The following BIRC6 variants were observed in gnomAD, a reference collection of about 807,000 sequenced individuals.
BIRC6 encodes the protein baculoviral IAP repeat containing 6, also known as dual E2 ubiquitin-conjugating enzyme/E3 ubiquitin-protein ligase BIRC6.
BIRC6 carries 98 observed loss-of-function variants against 503.3 expected under a neutral mutation model. The observed-to-expected ratio is 0.19, with a 90% confidence interval of 0.17 to 0.23. The LOEUF (loss-of-function observed/expected upper bound fraction) is 0.23, where lower values mean the gene tolerates loss of function less well. Among genes scored for constraint, BIRC6 ranks in the 10% least tolerant of loss-of-function variants. The pLI is 1.00. For missense variants in BIRC6, 5,360 were observed against 5,806.0 expected (o/e 0.92, Z 2.50); for synonymous variants, 2,240 against 2,078.7 (o/e 1.08, Z -2.11).
At chr2:32,389,733 G>C (rs1419822418) in intron 4 of BIRC6, among the ~76,000 whole-genome samples, 1 of 152,146 alleles carries the variant, frequency 6.6e-6, no homozygotes, top group Non-Finnish European at 1.5e-5. Flanking sequence ...TTTCACTCTT[G>C]TCGCCTAGGC....
chr2:32,381,333 G>A (rs2037613363), intron 3 of BIRC6, among the ~76,000 whole-genome samples: 1 of 152,048 alleles, frequency 6.6e-6, no homozygotes, highest in African/African-American at 2.4e-5. Context: ...TCTGCCTCCC[G>A]GGTTCAAGTG....
At chr2:32,471,655 A>G (rs1318834051) in intron 32 of BIRC6, among the ~76,000 whole-genome samples, 2 of 152,144 alleles carry the variant, frequency 1.3e-5, no homozygotes, top group Non-Finnish European at 2.9e-5. Context: ...CCCTCTTCCC[A>G]GTTAACAAGG....
chr2:32,382,149 G>A (rs1261237755), intron 3 of BIRC6, among the ~76,000 whole-genome samples: 4 of 152,320 alleles, frequency 2.6e-5, no homozygotes, highest in African/African-American at 9.6e-5. Context: ...GGAACAAAGA[G>A]TAGAGATTAG....
chr2:32,511,363 G>A lies in BIRC6; in HGVS notation c.10346+729G>A, dbSNP rs368616056. On this transcript the variant is annotated intron_variant, in intron 53 of 73. Coordinates refer to ENST00000421745, the MANE Select transcript of BIRC6 (RefSeq NM_016252.4). Reference sequence around the variant, plus strand: ...CTTGCTCTGTTGCCCAGGCTGGAGCGCAGTGGTGCAATCTTGGCTCACTGC... The same window carrying A: ...CTTGCTCTGTTGCCCAGGCTGGAGCACAGTGGTGCAATCTTGGCTCACTGC... Among the ~76,000 whole-genome samples, 13 of 151,128 alleles carry A rather than the reference G, an allele frequency of 8.6e-5. No homozygotes were observed. The East Asian group carries it at 1.4e-3, about 16-fold the overall frequency.
intron 3 of BIRC6, 74 bp downstream of exon 3, chr2:32,380,364 C>T (rs2037444525): frequency 1.4e-6 from 2 of 1,445,028 alleles, no homozygotes; most frequent in South Asian, 1.6e-5. Flanking sequence ...ACTTTCCTTT[C>T]CTCTCCTTTT....
Position 32,442,046 on chromosome 2 carries a change from A to C in BIRC6, c.3945-19A>C. On this transcript the variant is annotated intron_variant, in intron 17 of 73. Transcript: ENST00000421745. ...TTCTGTTTTGTTTGGTAATGTGTTT[A>C]TATTTTCTTTTTTTGTAGAGTGCAA... The C allele has an allele frequency of 1.3e-6, 2 of 1,504,302 alleles. No homozygotes were observed. The highest frequency in any genetic ancestry group is 1.8e-6 in the Non-Finnish European group (2 of 1,127,888). The allele number at this position is 1,504,302 out of a possible 1,614,324, so 93.2% of individuals were successfully genotyped here.
intron 2 of BIRC6, chr2:32,379,388 A>T (rs974057975): frequency 5.3e-5 from 8 of 152,252 alleles, no homozygotes; most frequent in African/African-American, 1.9e-4. Context: ...ACAAACAATT[A>T]AAGAATTACA....
chr2:32,453,399 A>G lies in BIRC6; in HGVS notation c.4619-409A>G, dbSNP rs1574319648. Reference sequence around the variant, plus strand: ...TATATTTATGCAGTTGACATCTTAGAATGTATTCTGATTTTACATATAGCC... The same window carrying G: ...TATATTTATGCAGTTGACATCTTAGGATGTATTCTGATTTTACATATAGCC... On this transcript the variant is annotated intron_variant, in intron 22 of 73. Coordinates refer to ENST00000421745, the MANE Select transcript of BIRC6 (RefSeq NM_016252.4). Among the ~76,000 whole-genome samples, 2 of 152,290 alleles carry G rather than the reference A, an allele frequency of 1.3e-5. 1 individual carries two copies. The highest frequency in any genetic ancestry group is 4.1e-4 in the South Asian group (2 of 4,826).
chr2:32,598,687 A>C (rs2061836882), intron 69 of BIRC6, among the ~76,000 whole-genome samples: 1 of 152,176 alleles, frequency 6.6e-6, no homozygotes. Flanking sequence ...TACGCAGCTA[A>C]AACTATTGGC....
rs2061781197 is a variant in BIRC6 at position 32,597,971 on chromosome 2, A to G, written c.13830+3A>G. On this transcript the variant is annotated splice_donor_region_variant and intron_variant, in intron 69 of 73. Transcript: ENST00000421745. ...AGGAGCGACTTGATATCATGAAGGTAAAAAATAATGATAATAAAGCACTCT... is the reference window on the plus strand; with the variant it reads ...AGGAGCGACTTGATATCATGAAGGTGAAAAATAATGATAATAAAGCACTCT... 1 of 1,604,478 alleles carries G rather than the reference A, an allele frequency of 6.2e-7. No homozygotes were observed. Among genetic ancestry groups the G allele is most frequent in the African/African-American group, 1.3e-5 (1 of 74,812 alleles).
At chr2:32,614,768 G>A (rs1270454023) in intron 73 of BIRC6, among the ~76,000 whole-genome samples, 3 of 152,200 alleles carry the variant, frequency 2.0e-5, no homozygotes, top group Non-Finnish European at 4.4e-5. Context: ...GGAGGTGGAG[G>A]TTGCAGTGAG....
intron 1 of BIRC6, among the ~76,000 whole-genome samples, chr2:32,364,185 G>T (rs2034537720): frequency 6.6e-6 from 1 of 152,198 alleles, no homozygotes; most frequent in African/African-American, 2.4e-5. Flanking sequence ...TGTCTCTTCA[G>T]TTTCCGAAGT....
At chr2:32,381,070 T>G (rs1254746339) in intron 3 of BIRC6, among the ~76,000 whole-genome samples, 1 of 152,186 alleles carries the variant, frequency 6.6e-6, no homozygotes, top group East Asian at 1.9e-4. Context: ...TTAAGGCCTT[T>G]TCTAAGTTAT....
chr2:32,398,088 C>T (rs1462079771), intron 6 of BIRC6, among the ~76,000 whole-genome samples: 5 of 152,102 alleles, frequency 3.3e-5, no homozygotes, highest in Non-Finnish European at 7.4e-5. Flanking sequence ...TTTGAAAGGG[C>T]GAATGGGACT....
chr2:32,553,197 CAAAAAAAAAAAAAAAAAAA>C lies in BIRC6; in HGVS notation c.13144+3735_13144+3753del, dbSNP rs763552918. Among the ~76,000 whole-genome samples the C allele has an allele frequency of 1.5e-3, 52 of 34,950 alleles. 1 individual carries two copies. The highest frequency in any genetic ancestry group is 7.4e-3 in the Admixed American group (14 of 1,904). 22.9% of individuals were successfully genotyped at this position (34,950 alleles called of 152,430 possible). ...GGGTGACAAGAGTGAAACTCTGTCTCAAAAAAAAAAAAAAAAAAAAAAAAAAAAAAAAAAAAAGATAAAT... is the reference window on the plus strand; with the variant it reads ...GGGTGACAAGAGTGAAACTCTGTCTCAAAAAAAAAAAAAAAAAAGATAAAT... On this transcript the variant is annotated intron_variant, in intron 65 of 73. Coordinates refer to ENST00000421745, the MANE Select transcript of BIRC6 (RefSeq NM_016252.4).
chr2:32,455,343 G>A (rs981858054), intron 23 of BIRC6, among the ~76,000 whole-genome samples: 8 of 140,552 alleles, frequency 5.7e-5, no homozygotes, highest in African/African-American at 1.9e-4. Context: ...TCGCGCTACT[G>A]CATTCCAGCC....
intron 10 of BIRC6, among the ~76,000 whole-genome samples, chr2:32,427,428 G>A (rs1239845460): frequency 1.3e-5 from 2 of 151,988 alleles, no homozygotes; most frequent in African/African-American, 2.4e-5. Context: ...GGGGATTACA[G>A]GCGCCTGCCA....
At chr2:32,526,024 A>G (rs573146005) in intron 59 of BIRC6, among the ~76,000 whole-genome samples, 3 of 152,240 alleles carry the variant, frequency 2.0e-5, no homozygotes, top group African/African-American at 7.2e-5. Flanking sequence ...TTCCCAGATA[A>G]AACACATTTA....
At chr2:32,521,510 C>T (rs1333019940) in intron 57 of BIRC6, among the ~76,000 whole-genome samples, 1 of 151,524 alleles carries the variant, frequency 6.6e-6, no homozygotes. Flanking sequence ...CTCACTCTGT[C>T]CCCCAGGCTG....
Sources: allele counts gnomAD v4.1 joint callset (sites outside exome capture counted in the v4.1 genomes callset), GRCh38; gene constraint gnomAD v4.1.1; transcripts MANE v1.5; gene names NCBI Gene and HGNC (gene_info 2026-07-23, HGNC 2026-07-21).